SEMA3D: variants seen among roughly 807,000 people sequenced by gnomAD.
SEMA3D encodes the protein semaphorin 3D, also known as semaphorin-3D.
A neutral mutation model predicts 100.1 loss-of-function variants in SEMA3D; 84 were observed. The ratio of observed to expected loss-of-function variants is 0.84; its 90% CI spans 0.70 to 1.01. SEMA3D has a LOEUF of 1.01. SEMA3D is among the 50% of genes least tolerant of loss of function. SEMA3D has a pLI of 0.00. For missense variants in SEMA3D, 875 were observed against 934.1 expected, an observed-to-expected ratio of 0.94 and a Z score of 0.82; for synonymous variants, 312 against 320.7, an observed-to-expected ratio of 0.97 and a Z score of 0.29.
chr7:85,238,795 C>A, the SEMA3D span, among the ~76,000 whole-genome samples: 2 of 152,122 alleles, frequency 1.3e-5, no homozygotes, highest in Admixed American at 1.3e-4. Flanking sequence ...AATTGGAAAC[C>A]TGACAATATT....
At chr7:85,209,133 A>G in the SEMA3D span, among the ~76,000 whole-genome samples, 4 of 152,086 alleles carry the variant, frequency 2.6e-5, no homozygotes, top group East Asian at 1.9e-4. Context: ...GAAATTTGAC[A>G]GAATGAACTC....
chr7:85,029,581 A>C (rs1790487904), intron 12 of SEMA3D: 1 of 508,138 alleles, frequency 2.0e-6, no homozygotes, highest in Non-Finnish European at 3.7e-6. Context: ...ATGATAACCA[A>C]ACTGGACTAG....
the SEMA3D span, among the ~76,000 whole-genome samples, chr7:85,247,303 G>C: frequency 6.6e-6 from 1 of 151,994 alleles, no homozygotes; most frequent in African/African-American, 2.4e-5. Flanking sequence ...GGAAAAAATA[G>C]ATTGCTGTCT....
At chr7:85,137,862 G>A (rs983754708) in intron 2 of SEMA3D, among the ~76,000 whole-genome samples, 7 of 152,172 alleles carry the variant, frequency 4.6e-5, no homozygotes, top group Non-Finnish European at 1.0e-4. Flanking sequence ...TCTGTGTGAT[G>A]TTCTGCTGTC....
intron 2 of SEMA3D, chr7:85,141,287 C>T (rs1790044877): frequency 2.0e-6 from 2 of 984,226 alleles, no homozygotes; most frequent in Non-Finnish European, 2.4e-6. Context: ...ATGCTTTAAC[C>T]TCTTCAGGAA....
the SEMA3D span, among the ~76,000 whole-genome samples, chr7:85,216,357 TTGTGTGTG>T: frequency 0.025 from 3,619 of 146,240 alleles, 89 homozygotes; most frequent in African/African-American, 0.065. Flanking sequence ...AATAAGAGTG[TTGTGTGTG>T]TGTGTGTGTG....
At chr7:85,229,799 GTTCTTCA>G in the SEMA3D span, among the ~76,000 whole-genome samples, 2 of 151,858 alleles carry the variant, frequency 1.3e-5, no homozygotes, top group Admixed American at 1.3e-4. Context: ...TGTTTTTCCT[GTTCTTCA>G]TTCTTCATTC....
At chr7:85,071,637 G>A (rs1215653660) in intron 6 of SEMA3D, among the ~76,000 whole-genome samples, 1 of 152,128 alleles carries the variant, frequency 6.6e-6, no homozygotes. Context: ...ATAACCTACT[G>A]CACACCTAGG....
intron 9 of SEMA3D, among the ~76,000 whole-genome samples, chr7:85,044,880 G>T (rs967664957): frequency 2.7e-4 from 41 of 151,972 alleles, no homozygotes; most frequent in African/African-American, 8.9e-4. Flanking sequence ...TTTAATTCTT[G>T]TAGACAATGC....
intron 4 of SEMA3D, among the ~76,000 whole-genome samples, chr7:85,096,586 C>T (rs1372021326): frequency 6.6e-6 from 1 of 151,576 alleles, no homozygotes; most frequent in Non-Finnish European, 1.5e-5. Context: ...TAAGTATGAG[C>T]CTTTATAAGA....
chr7:85,138,351 C>T (rs945927191), intron 2 of SEMA3D, among the ~76,000 whole-genome samples: 37 of 151,864 alleles, frequency 2.4e-4, no homozygotes, highest in African/African-American at 4.6e-4. Context: ...TACAGTGGCA[C>T]GATCTCTGCT....
chr7:85,177,034 AGCAATAG>A (rs1791254112), intron 1 of SEMA3D, among the ~76,000 whole-genome samples: 1 of 152,084 alleles, frequency 6.6e-6, no homozygotes, highest in African/African-American at 2.4e-5. Flanking sequence ...GTAGCCTAGG[AGCAATAG>A]GCTATACCAT....
chr7:85,181,683 T>C, intron 1 of SEMA3D: 1 of 524,758 alleles, frequency 1.9e-6, no homozygotes, highest in East Asian at 1.5e-4. Flanking sequence ...TTCCAAAGAG[T>C]ACAGCATGGA....
At chr7:85,109,703 A>G (rs957502299) in intron 3 of SEMA3D, among the ~76,000 whole-genome samples, 2 of 152,006 alleles carry the variant, frequency 1.3e-5, no homozygotes, top group Non-Finnish European at 1.5e-5. Context: ...CTTCTGTTTA[A>G]AAAAGACCTA....
At chr7:85,241,912 T>C in the SEMA3D span, among the ~76,000 whole-genome samples, 1 of 151,970 alleles carries the variant, frequency 6.6e-6, no homozygotes, top group Non-Finnish European at 1.5e-5. Context: ...AGTAAGGCAA[T>C]AACAAATGCC....
chr7:85,159,575 C>A (rs1272695736), intron 1 of SEMA3D, among the ~76,000 whole-genome samples: 2 of 152,146 alleles, frequency 1.3e-5, no homozygotes, highest in Non-Finnish European at 2.9e-5. Flanking sequence ...GTTTTATAAA[C>A]AAGAAAGACA....
At chr7:85,154,106 C>T (rs1469052925) in intron 1 of SEMA3D, among the ~76,000 whole-genome samples, 3 of 151,956 alleles carry the variant, frequency 2.0e-5, no homozygotes, top group Non-Finnish European at 4.4e-5. Context: ...ATTACAGAAA[C>T]CCTTATCTGC....
At chr7:85,250,200 C>T in the SEMA3D span, among the ~76,000 whole-genome samples, 1 of 148,670 alleles carries the variant, frequency 6.7e-6, no homozygotes. Context: ...TAACCCGCAC[C>T]TGGCTCGGAG....
At chr7:85,128,390 C>G (rs951153237) in intron 2 of SEMA3D, among the ~76,000 whole-genome samples, 2 of 151,920 alleles carry the variant, frequency 1.3e-5, no homozygotes, top group African/African-American at 4.8e-5. Flanking sequence ...AGGCTGGTCT[C>G]AAGTTCCTGA....
Sources: allele counts gnomAD v4.1 joint callset (sites outside exome capture counted in the v4.1 genomes callset), GRCh38; gene constraint gnomAD v4.1.1; transcripts MANE v1.5; gene names NCBI Gene and HGNC (gene_info 2026-07-23, HGNC 2026-07-21).